Variants in CSMD1 observed in about 807,000 individuals in gnomAD.
CSMD1 encodes the protein CUB and sushi domain-containing protein 1.
In CSMD1, 213 loss-of-function variants were observed where a neutral mutation model predicts 417.5. That is an observed-to-expected ratio of 0.51 (90% confidence interval 0.46 to 0.57). The LOEUF is 0.57. Among genes scored for constraint, CSMD1 ranks in the 20% least tolerant of loss-of-function variants. CSMD1 has a pLI of 0.00. For missense variants in CSMD1, 6,923 were observed against 4,529.7 expected (o/e 1.53, Z -15.17); for synonymous variants, 2,862 against 1,736.8 (o/e 1.65, Z -16.11).
chr8:4,438,909 A>G (rs1281216680), intron 2 of CSMD1, among the ~76,000 whole-genome samples: 2 of 152,252 alleles, frequency 1.3e-5, no homozygotes, highest in African/African-American at 2.4e-5. Flanking sequence ...GAGTTTAAGT[A>G]TGCATAAGTA....
Position 3,905,818 on chromosome 8 carries a change from A to T in CSMD1, c.818+92085T>A, listed in dbSNP as rs561737548. Among the ~76,000 whole-genome samples the T allele has an allele frequency of 1.4e-4, 21 of 152,304 alleles. No homozygotes were observed. In the East Asian group the frequency reaches 4.0e-3, roughly 29 times the overall value. ...CCTCTACTGTAGTTAACAAAGTCCA[A>T]ACATCTGGGCCTGGCATTCTAGTTC... On this transcript the variant is annotated intron_variant, in intron 5 of 69. Transcript: ENST00000635120.
At chr8:3,439,532 G>C (rs907497276) in intron 12 of CSMD1, among the ~76,000 whole-genome samples, 1 of 148,376 alleles carries the variant, frequency 6.7e-6, no homozygotes, top group Non-Finnish European at 1.5e-5. Flanking sequence ...TAATTGTAGA[G>C]TCTTAAGAGT....
chr8:4,238,260 T>A (rs1802184673), intron 3 of CSMD1, among the ~76,000 whole-genome samples: 1 of 152,160 alleles, frequency 6.6e-6, no homozygotes, highest in Non-Finnish European at 1.5e-5. Flanking sequence ...CTGTGATTCT[T>A]TCACTAGGGA....
intron 12 of CSMD1, among the ~76,000 whole-genome samples, chr8:3,459,285 G>A (rs1816347656): frequency 6.6e-6 from 1 of 152,202 alleles, no homozygotes; most frequent in South Asian, 2.1e-4. Context: ...GGTGAGGCGA[G>A]GAGAGACAGG....
intron 1 of CSMD1, among the ~76,000 whole-genome samples, chr8:4,933,319 T>C (rs1254415428): frequency 2.0e-5 from 3 of 152,242 alleles, no homozygotes; most frequent in Admixed American, 2.0e-4. Flanking sequence ...TGTATAATCA[T>C]GCATTAATAT....
At chr8:4,846,270 G>T (rs1397770747) in intron 1 of CSMD1, among the ~76,000 whole-genome samples, 1 of 152,186 alleles carries the variant, frequency 6.6e-6, no homozygotes, top group African/African-American at 2.4e-5. Flanking sequence ...AATGTGTGAA[G>T]TAAGATCTTT....
intron 1 of CSMD1, among the ~76,000 whole-genome samples, chr8:4,947,581 T>A (rs996198540): frequency 6.6e-6 from 1 of 152,060 alleles, no homozygotes; most frequent in Non-Finnish European, 1.5e-5. Flanking sequence ...TATGAAAAAT[T>A]TGAAGATTTT....
intron 10 of CSMD1, among the ~76,000 whole-genome samples, chr8:3,561,306 T>A (rs1023333919): frequency 6.6e-6 from 1 of 152,114 alleles, no homozygotes; most frequent in African/African-American, 2.4e-5. Context: ...GGAAAGGAAA[T>A]CATTCTACGA....
intron 11 of CSMD1, among the ~76,000 whole-genome samples, chr8:3,472,479 T>C (rs1001749581): frequency 1.3e-5 from 2 of 151,870 alleles, no homozygotes; most frequent in Non-Finnish European, 2.9e-5. Flanking sequence ...TACCAATCTG[T>C]CCCATCTCTG....
intron 1 of CSMD1, among the ~76,000 whole-genome samples, chr8:4,705,133 C>G (rs963370799): frequency 6.6e-6 from 1 of 152,094 alleles, no homozygotes; most frequent in Non-Finnish European, 1.5e-5. Context: ...CTCCTGCCAC[C>G]TTGTGAAGAA....
At chr8:3,758,110 C>G (rs959006341) in intron 5 of CSMD1, among the ~76,000 whole-genome samples, 4 of 152,084 alleles carry the variant, frequency 2.6e-5, no homozygotes, top group African/African-American at 9.6e-5. Flanking sequence ...ATTACAGGCA[C>G]CGGCCACCAC....
intron 3 of CSMD1, among the ~76,000 whole-genome samples, chr8:4,351,770 T>C (rs1347057260): frequency 6.6e-6 from 1 of 151,944 alleles, no homozygotes; most frequent in East Asian, 1.9e-4. Flanking sequence ...AGATGTGAAA[T>C]TGCCACTTAT....
chr8:3,669,408 G>C (rs79144252), intron 7 of CSMD1, among the ~76,000 whole-genome samples: 3,426 of 152,248 alleles, frequency 0.023, 102 homozygotes, highest in African/African-American at 0.077. Context: ...CAGTCTAGGG[G>C]TTCGTGTTTA....
intron 3 of CSMD1, among the ~76,000 whole-genome samples, chr8:4,321,117 A>G (rs1799250570): frequency 6.6e-6 from 1 of 152,134 alleles, no homozygotes; most frequent in South Asian, 2.1e-4. Context: ...TCTAGTCTAA[A>G]TCAATCAAAG....
In CSMD1 at chr8:4,734,434, A is replaced by G. The variant is rs574358559; in HGVS notation, c.86-96876T>C. On this transcript the variant is annotated intron_variant, in intron 1 of 69. Transcript: ENST00000635120. ...GTGAGTCCCTGAAAAAAAAAGGTGA[A>G]AAGTTGAATAGGAATTCTGTGACTA... Among the ~76,000 whole-genome samples the G allele has an allele frequency of 4.2e-4, 64 of 152,256 alleles. 2 individuals carry two copies. In the South Asian group the frequency reaches 0.013, roughly 31 times the overall value.
chr8:4,261,718 A>G (rs1046908577), intron 3 of CSMD1, among the ~76,000 whole-genome samples: 6 of 152,080 alleles, frequency 3.9e-5, no homozygotes, highest in African/African-American at 7.2e-5. Flanking sequence ...CTGAGAGCAG[A>G]TCTTAAATGC....
At chr8:3,187,547 A>G (rs1332524861) in intron 36 of CSMD1, among the ~76,000 whole-genome samples, 1 of 151,868 alleles carries the variant, frequency 6.6e-6, no homozygotes, top group African/African-American at 2.4e-5. Context: ...AGAGTTGAGA[A>G]CCGTTTCCTA....
chr8:4,381,481 C>T (rs567064240), intron 3 of CSMD1, among the ~76,000 whole-genome samples: 2 of 152,248 alleles, frequency 1.3e-5, no homozygotes, highest in South Asian at 2.1e-4. Flanking sequence ...CATTGTCTTC[C>T]AACTGGCAGG....
chr8:4,856,067 C>G (rs560321147), intron 1 of CSMD1, among the ~76,000 whole-genome samples: 2 of 152,300 alleles, frequency 1.3e-5, no homozygotes, highest in East Asian at 3.9e-4. Flanking sequence ...GCGGATCTCT[C>G]GACAGAAACC....
Sources: allele counts gnomAD v4.1 joint callset (sites outside exome capture counted in the v4.1 genomes callset), GRCh38; gene constraint gnomAD v4.1.1; transcripts MANE v1.5; gene names NCBI Gene and HGNC (gene_info 2026-07-23, HGNC 2026-07-21).